The following KDM5A variants were observed in gnomAD, a reference collection of about 807,000 sequenced individuals.
KDM5A encodes lysine-specific demethylase 5A.
In KDM5A, 42 loss-of-function variants were observed where a neutral mutation model predicts 193.5. The observed-to-expected ratio is 0.22, with a 90% confidence interval of 0.17 to 0.28. The LOEUF is 0.28. KDM5A is among the 10% of genes least tolerant of loss of function. KDM5A has a pLI of 1.00. For synonymous variants in KDM5A, 796 were observed against 718.1 expected (o/e 1.11, Z -1.73); for missense variants, 1,692 against 2,055.1 (o/e 0.82, Z 3.42).
rs1180231418 is a variant in KDM5A, at chr12:372,839, A to G, written c.367-6735T>C. ...TTTGTCAAAGGCCTTTTCTGCATCT[A>G]TTGAGATAATTGTGTGGTTTTTGTC... On this transcript the variant is annotated intron_variant, in intron 3 of 27. Coordinates refer to ENST00000399788, the MANE Select transcript of KDM5A (RefSeq NM_001042603.3). Among the ~76,000 whole-genome samples the G allele has an allele frequency of 4.6e-5, 7 of 152,134 alleles. No individual in the cohort carries two copies. In the East Asian group the frequency reaches 1.3e-3, roughly 29 times the overall value.
chr12:323,210 C>CAAAAAAAAAAGAAAAA lies in KDM5A; in HGVS notation c.2151-5_2151-4insTTTTTCTTTTTTTTTT. The CAAAAAAAAAAGAAAAA allele has an allele frequency of 3.4e-6, 1 of 294,574 alleles. No homozygotes were observed. The highest frequency in any genetic ancestry group is 4.8e-6 in the Non-Finnish European group (1 of 209,434). The allele number at this position is 294,574 out of a possible 1,614,324, so 18.2% of individuals were successfully genotyped here. On this transcript the variant is annotated splice_polypyrimidine_tract_variant and splice_region_variant and intron_variant, in intron 15 of 27. Coordinates refer to ENST00000399788, the MANE Select transcript of KDM5A (RefSeq NM_001042603.3). ...GTCTTCTAATGGGTAGCGATATCTA[C>CAAAAAAAAAAGAAAAA]AAAAAAAAAAAAAAAAAAAAAAAAA...
rs1204200409 is a variant in KDM5A, at chr12:283,426, T to C, written c.*2030A>G. The C allele has an allele frequency of 4.3e-6, 1 of 232,774 alleles. No individual in the cohort carries two copies. Among genetic ancestry groups the C allele is most frequent in the Non-Finnish European group, 8.5e-6 (1 of 117,600 alleles). The allele number at this position is 232,774 out of a possible 1,614,324, so 14.4% of individuals were successfully genotyped here. ...CCTCAAGACATATGCACAGCAACAC[T>C]AACAAACCTCTGAACAAGTCAAAAC... On this transcript the variant is annotated 3_prime_UTR_variant, in exon 28 of 28. Coordinates refer to ENST00000399788, the MANE Select transcript of KDM5A (RefSeq NM_001042603.3).
intron 16 of KDM5A, among the ~76,000 whole-genome samples, chr12:322,827 TA>T (rs1565533540): frequency 6.6e-6 from 1 of 152,154 alleles, no homozygotes; most frequent in Non-Finnish European, 1.5e-5. Flanking sequence ...GTCTTACTGG[TA>T]ATAGTGGGTT....
intron 24 of KDM5A, among the ~76,000 whole-genome samples, chr12:303,906 C>T (rs1943474310): frequency 6.6e-6 from 1 of 152,132 alleles, no homozygotes; most frequent in African/African-American, 2.4e-5. Context: ...TTAGAAACTG[C>T]CTTTAAGCAA....
At position 351,284 on chromosome 12, in the gene KDM5A, C is replaced by A. The variant is rs577966723; in HGVS notation, c.1150-505G>T. ...TCCGTGTGTTCTCATTGTTCACCTC[C>A]CACTTATGAGTGAGAACGTGGGGTG... On this transcript the variant is annotated intron_variant, in intron 9 of 27. Transcript: ENST00000399788. Among the ~76,000 whole-genome samples, 3 of 152,230 alleles carry A rather than the reference C, an allele frequency of 2.0e-5. No individual in the cohort carries two copies. In the East Asian group the frequency reaches 5.8e-4, roughly 29 times the overall value.
chr12:349,545 G>A (rs1944123642), intron 10 of KDM5A, among the ~76,000 whole-genome samples: 1 of 147,676 alleles, frequency 6.8e-6, no homozygotes, highest in South Asian at 2.2e-4. Flanking sequence ...GGCCAGGCTG[G>A]TCTTGAACTC....
intron 24 of KDM5A, among the ~76,000 whole-genome samples, chr12:306,370 T>C (rs994458749): frequency 3.3e-5 from 5 of 152,206 alleles, no homozygotes; most frequent in Non-Finnish European, 7.3e-5. Context: ...GCTTTACATA[T>C]TGTTTTTCTA....
At chr12:312,884 T>C (rs1565530412) in intron 20 of KDM5A, among the ~76,000 whole-genome samples, 172 bp downstream of exon 20, 1 of 152,208 alleles carries the variant, frequency 6.6e-6, no homozygotes, top group Admixed American at 6.5e-5. Context: ...ACACAGTTTC[T>C]ACTCAATGCA....
intron 20 of KDM5A, among the ~76,000 whole-genome samples, chr12:311,469 C>A (rs929241086): frequency 6.6e-6 from 1 of 151,736 alleles, no homozygotes; most frequent in Non-Finnish European, 1.5e-5. Context: ...CATGGTGAAA[C>A]CCCACCTGGT....
At chr12:321,398 G>A (rs1943714193) in intron 17 of KDM5A, among the ~76,000 whole-genome samples, 1 of 152,168 alleles carries the variant, frequency 6.6e-6, no homozygotes, top group South Asian at 2.1e-4. Flanking sequence ...ACTTAATCCT[G>A]TATCTCAAGA....
At chr12:375,991 C>T (rs1025564430) in intron 3 of KDM5A, among the ~76,000 whole-genome samples, 4 of 152,230 alleles carry the variant, frequency 2.6e-5, no homozygotes, top group East Asian at 1.9e-4. Context: ...GCTGCCCCTA[C>T]GAGGCGGTGC....
chr12:316,348 AC>A (rs1173236871), intron 19 of KDM5A, among the ~76,000 whole-genome samples: 29 of 152,298 alleles, frequency 1.9e-4, no homozygotes, highest in Non-Finnish European at 3.8e-4. Context: ...TGTCTTGTTC[AC>A]TACTGTCTAC....
intron 13 of KDM5A, among the ~76,000 whole-genome samples, chr12:331,236 A>T (rs1219866309): frequency 6.6e-6 from 1 of 152,228 alleles, no homozygotes; most frequent in African/African-American, 2.4e-5. Flanking sequence ...TGATCACCTT[A>T]ATAAGTCCCA....
In KDM5A at chr12:306,254, C is replaced by A. The variant is rs1211967835; in HGVS notation, c.4074+692G>T. 2.0e-5 allele frequency among the ~76,000 whole-genome samples: 3 copies of A among 152,020 alleles called. No homozygotes were observed. The East Asian group carries it at 5.8e-4, about 29-fold the overall frequency. ...TCCCCTAAATTGTTAGGTTTACAGGCATGAGCCACCACACCAAGCCTAGAA... is the reference window on the plus strand; with the variant it reads ...TCCCCTAAATTGTTAGGTTTACAGGAATGAGCCACCACACCAAGCCTAGAA... On this transcript the variant is annotated intron_variant, in intron 24 of 27. Transcript: ENST00000399788.
At position 385,964 on chromosome 12, in the gene KDM5A, G is replaced by A; in HGVS notation, c.176C>T (p.Pro59Leu). 1 of 1,613,102 alleles carries A rather than the reference G, an allele frequency of 6.2e-7. No individual in the cohort carries two copies. ...GCTTTTTACTTCACAGGCAAATGGAGGCTGCCAGTCCTAAATAGAAAGATT... is the reference window on the plus strand; with the variant it reads ...GCTTTTTACTTCACAGGCAAATGGAAGCTGCCAGTCCTAAATAGAAAGATT... ...CKIRPPKDWQ[P>L]PFACEVKSFR... Residue 59 changes from proline (P) to leucine (L), a missense_variant, in exon 2 of 28, where the codon CCT (proline) becomes CTT (leucine). Around this residue, in one of 11 missense-constraint regions of KDM5A, gnomAD observed 120 missense variants for 172.0 expected, o/e 0.70. Coordinates refer to ENST00000399788, the MANE Select transcript of KDM5A (RefSeq NM_001042603.3).
intron 10 of KDM5A, among the ~76,000 whole-genome samples, chr12:342,793 A>T (rs1030534960): frequency 6.6e-6 from 1 of 150,666 alleles, no homozygotes; most frequent in African/African-American, 2.4e-5. Flanking sequence ...AAAAAAAAAA[A>T]CCTGGGGAGG....
At chr12:378,620 A>G (rs1944537705) in intron 3 of KDM5A, among the ~76,000 whole-genome samples, 1 of 152,210 alleles carries the variant, frequency 6.6e-6, no homozygotes, top group South Asian at 2.1e-4. Flanking sequence ...ATGTTTTAAC[A>G]AGAAGGGCTA....
intron 4 of KDM5A, among the ~76,000 whole-genome samples, chr12:365,606 T>C (rs1944348195): frequency 6.6e-6 from 1 of 152,130 alleles, no homozygotes; most frequent in South Asian, 2.1e-4. Flanking sequence ...GTATTAAAGC[T>C]TACCAACGGT....
intron 5 of KDM5A, among the ~76,000 whole-genome samples, chr12:361,342 C>T (rs1431628142): frequency 5.9e-5 from 9 of 151,924 alleles, no homozygotes; most frequent in Non-Finnish European, 1.2e-4. Flanking sequence ...CTACAGGTGC[C>T]CACCACCACG....
Sources: allele counts gnomAD v4.1 joint callset (sites outside exome capture counted in the v4.1 genomes callset), GRCh38; gene constraint gnomAD v4.1.1; regional missense constraint gnomAD v4.1.1; transcripts MANE v1.5; gene names NCBI Gene and HGNC (gene_info 2026-07-23, HGNC 2026-07-21).